Variants in LINC02747 observed in about 807,000 individuals in gnomAD.
LINC02747 encodes the protein CCND1-upstream intergenic DNA repair 2.
intron 1 of LINC02747, among the ~76,000 whole-genome samples, chr11:69,479,036 C>A (rs191193509): frequency 3.3e-5 from 5 of 152,230 alleles, no homozygotes; most frequent in African/African-American, 9.6e-5. Flanking sequence ...CGGTGTATAA[C>A]TTGAGGTCAG....
exon 2 of LINC02747, chr11:69,477,246 A>G (rs1857004192): frequency 6.6e-6 from 1 of 152,140 alleles, no homozygotes; most frequent in Non-Finnish European, 1.5e-5. Context: ...ATGCCACATC[A>G]CCGTGGGACT....
chr11:69,479,417 G>A lies in LINC02747; in HGVS notation n.121-1804C>T, dbSNP rs558473735. Among the ~76,000 whole-genome samples, 9 of 152,246 alleles carry A rather than the reference G, an allele frequency of 5.9e-5. 1 individual carries two copies. The South Asian group carries it at 6.2e-4, about 11-fold the overall frequency. ...GATGGTCTCTGCTGAGGTTGCCTGC[G>A]GTGCCCTAACTCTTCTCTGTTTTCT... is the stretch of plus-strand genomic sequence containing the variant. On this transcript the variant is annotated intron_variant and non_coding_transcript_variant, in intron 1 of 1. Transcript: ENST00000645449.
At chr11:69,479,308 G>GA (rs1450439176) in intron 1 of LINC02747, among the ~76,000 whole-genome samples, 1 of 129,768 alleles carries the variant, frequency 7.7e-6, no homozygotes, top group Non-Finnish European at 1.7e-5. Flanking sequence ...AGAGAGAAAA[G>GA]AAAAAACAAG....
intron 1 of LINC02747, among the ~76,000 whole-genome samples, chr11:69,478,243 A>G (rs1165701265): frequency 6.6e-6 from 1 of 152,156 alleles, no homozygotes; most frequent in Non-Finnish European, 1.5e-5. Context: ...GGGCAGTAAG[A>G]CAGGAGTAGG....
chr11:69,476,147 G>A (rs886909536), exon 2 of LINC02747: 1 of 152,276 alleles, frequency 6.6e-6, no homozygotes, highest in African/African-American at 2.4e-5. Flanking sequence ...CATTAAATGA[G>A]GTGGCCCTTT....
chr11:69,481,164 C>T (rs1385904961), intron 1 of LINC02747, among the ~76,000 whole-genome samples: 1 of 152,224 alleles, frequency 6.6e-6, no homozygotes, highest in African/African-American at 2.4e-5. Context: ...TACTAGATCC[C>T]CACTTGACAC....
intron 1 of LINC02747, chr11:69,479,618 G>A (rs559470044): frequency 6.6e-6 from 1 of 152,346 alleles, no homozygotes; most frequent in African/African-American, 2.4e-5. Flanking sequence ...TGGAGCCTGA[G>A]GGTCACAGCC....
exon 2 of LINC02747, chr11:69,476,148 GTGGCCCTTTGTCATGTATC>G (rs1279354893): frequency 4.7e-4 from 72 of 152,358 alleles, no homozygotes; most frequent in African/African-American, 1.6e-3. Context: ...ATTAAATGAG[GTGGCCCTTTGTCATGTATC>G]TGGCACCCCA....
At chr11:69,481,187 C>G (rs1410984412) in intron 1 of LINC02747, among the ~76,000 whole-genome samples, 1 of 152,200 alleles carries the variant, frequency 6.6e-6, no homozygotes, top group Non-Finnish European at 1.5e-5. Flanking sequence ...GAGGAGGCAC[C>G]AGGAGGCTGT....
intron 1 of LINC02747, among the ~76,000 whole-genome samples, chr11:69,480,907 C>T (rs1264325775): frequency 6.6e-6 from 1 of 152,178 alleles, no homozygotes; most frequent in Non-Finnish European, 1.5e-5. Context: ...TCCCTGGAAT[C>T]CTCAGGATTC....
At chr11:69,475,726 C>T (rs1029085734) in exon 2 of LINC02747, 2 of 152,048 alleles carry the variant, frequency 1.3e-5, no homozygotes, top group Non-Finnish European at 2.9e-5. Context: ...CCTCGTGCGA[C>T]AGAGAGCAGA....
chr11:69,479,000 A>G (rs1857021673), intron 1 of LINC02747, among the ~76,000 whole-genome samples: 1 of 152,136 alleles, frequency 6.6e-6, no homozygotes, highest in Non-Finnish European at 1.5e-5. Context: ...CACGCCTGTA[A>G]TCCCAGCACT....
At chr11:69,477,778 G>A (rs936485823) in intron 1 of LINC02747, among the ~76,000 whole-genome samples, 6 of 152,182 alleles carry the variant, frequency 3.9e-5, no homozygotes, top group African/African-American at 1.4e-4. Context: ...CACAGCCTGG[G>A]ATAGGAGGGT....
chr11:69,476,334 C>G (rs985759752), exon 2 of LINC02747: 2 of 152,198 alleles, frequency 1.3e-5, no homozygotes, highest in Admixed American at 6.5e-5. Flanking sequence ...CTGCCTGGCC[C>G]CTCCTAGGCA....
chr11:69,477,972 G>A (rs989315041), intron 1 of LINC02747, among the ~76,000 whole-genome samples: 4 of 152,170 alleles, frequency 2.6e-5, no homozygotes, highest in African/African-American at 9.7e-5. Context: ...GGGATGGGGC[G>A]AGGAACAGTT....
chr11:69,480,971 C>T (rs1857043141), intron 1 of LINC02747, among the ~76,000 whole-genome samples: 1 of 152,220 alleles, frequency 6.6e-6, no homozygotes, highest in African/African-American at 2.4e-5. Flanking sequence ...CAGAGCCAGG[C>T]CTGAGTGCAC....
chr11:69,480,384 C>T (rs569501337), intron 1 of LINC02747, among the ~76,000 whole-genome samples: 22 of 152,268 alleles, frequency 1.4e-4, no homozygotes, highest in South Asian at 6.2e-4. Context: ...CCTGGGTGTG[C>T]GGCTGCAGAC....
At chr11:69,477,851 G>A (rs1300747173) in intron 1 of LINC02747, among the ~76,000 whole-genome samples, 1 of 152,172 alleles carries the variant, frequency 6.6e-6, no homozygotes, top group Non-Finnish European at 1.5e-5. Flanking sequence ...GAGATTCGTG[G>A]AGCCCTGTGC....
chr11:69,480,715 G>A (rs1430335024), intron 1 of LINC02747, among the ~76,000 whole-genome samples: 2 of 152,228 alleles, frequency 1.3e-5, no homozygotes, highest in Non-Finnish European at 2.9e-5. Context: ...ACCACAGTGA[G>A]GACTCTGGCA....
Sources: allele counts gnomAD v4.1 joint callset (sites outside exome capture counted in the v4.1 genomes callset), GRCh38; gene constraint gnomAD v4.1.1; transcripts MANE v1.5; gene names NCBI Gene and HGNC (gene_info 2026-07-23, HGNC 2026-07-21).